EDRF1: variants seen among roughly 807,000 people sequenced by gnomAD.
EDRF1 encodes the protein erythroid differentiation-related factor 1.
EDRF1 carries 69 observed loss-of-function variants against 148.7 expected under a neutral mutation model. That is an observed-to-expected ratio of 0.46 (90% CI 0.38 to 0.57). The LOEUF (loss-of-function observed/expected upper bound fraction) is 0.57, where lower values mean the gene tolerates loss of function less well. EDRF1 is among the 20% of genes least tolerant of loss of function. EDRF1 has a pLI of 0.00. For missense variants in EDRF1, 1,118 were observed against 1,478.7 expected (o/e 0.76, Z 4.00); for synonymous variants, 515 against 532.8 (o/e 0.97, Z 0.46).
At chr10:125,729,921 T>A (rs1278153280) in intron 8 of EDRF1, among the ~76,000 whole-genome samples, 1 of 152,252 alleles carries the variant, frequency 6.6e-6, no homozygotes, top group Non-Finnish European at 1.5e-5. Context: ...ATGCTCCACG[T>A]GTATTTGTTG....
chr10:125,721,201 T>A lies in EDRF1; in HGVS notation c.109-3T>A, dbSNP rs767199702. On this transcript the variant is annotated splice_region_variant and splice_polypyrimidine_tract_variant and intron_variant, in intron 1 of 24. Transcript: ENST00000356792. ...TTAAAGTTTCACCCAATGTGTTAAT[T>A]AGGGATCAGCTTTATTTCTTGGAGG... is the stretch of plus-strand genomic sequence containing the variant. 1.2e-6 allele frequency: 2 copies of A among 1,614,114 alleles called. No homozygotes were observed. The highest frequency in any genetic ancestry group is 8.5e-7 in the Non-Finnish European group (1 of 1,179,960).
At chr10:125,737,878 C>G (rs1848819151) in intron 13 of EDRF1, 40 bp from the exon 14 acceptor site, 1 of 1,574,318 alleles carries the variant, frequency 6.4e-7, no homozygotes, top group South Asian at 1.1e-5. Flanking sequence ...GACCTTAATA[C>G]ATTGGTAGTG....
rs115600771 is a variant in EDRF1 at position 125,748,165 on chromosome 10, G to A, written c.3123+153G>A. The A allele has an allele frequency of 2.5e-3, 2,143 of 862,326 alleles. 26 individuals carry two copies. In the African/African-American group the frequency reaches 0.029, roughly 11 times the overall value. 53.4% of individuals were successfully genotyped at this position (862,326 alleles called of 1,614,324 possible). On this transcript the variant is annotated intron_variant, in intron 21 of 24. Coordinates refer to ENST00000356792, the MANE Select transcript of EDRF1 (RefSeq NM_001202438.2). ...TTCTGCTGCGTCTGTGCCTTTTTTTGTGCTGTGCCACTTAAACAATATGTC... is the reference window on the plus strand; with the variant it reads ...TTCTGCTGCGTCTGTGCCTTTTTTTATGCTGTGCCACTTAAACAATATGTC...
At chr10:125,737,874 A>T in intron 13 of EDRF1, 44 bp from the exon 14 acceptor site, 1 of 1,567,394 alleles carries the variant, frequency 6.4e-7, no homozygotes. Flanking sequence ...TGTTGACCTT[A>T]ATACATTGGT....
At chr10:125,722,924 G>A (rs1848076623) in intron 2 of EDRF1, 144 bp from the exon 3 acceptor site, 5 of 788,322 alleles carry the variant, frequency 6.3e-6, no homozygotes, top group Non-Finnish European at 1.1e-5. Context: ...CAACTGTGAT[G>A]GTGATACACA....
intron 6 of EDRF1, among the ~76,000 whole-genome samples, chr10:125,727,986 C>T (rs1367541744): frequency 6.6e-6 from 1 of 151,750 alleles, no homozygotes; most frequent in African/African-American, 2.4e-5. Flanking sequence ...CACTTGAGGC[C>T]CGGAGTTAGA....
chr10:125,738,293 A>C lies in EDRF1; in HGVS notation c.1831-2A>C. 6.2e-7 allele frequency: 1 copy of C among 1,613,714 alleles called. No homozygotes were observed. The highest frequency in any genetic ancestry group is 8.5e-7 in the Non-Finnish European group (1 of 1,179,866). ...TAGTGAATGCTTTTCCTTTTTTTGC[A>C]GGGTTTAAAATCTGTCGATAGCAGC... On this transcript the variant is annotated splice_acceptor_variant, in intron 14 of 24. Transcript: ENST00000356792. LOFTEE classifies it high-confidence loss of function.
intron 19 of EDRF1, 135 bp downstream of exon 19, chr10:125,746,065 G>A: frequency 2.6e-6 from 2 of 769,902 alleles, no homozygotes; most frequent in Non-Finnish European, 4.4e-6. Context: ...GACAGATCGT[G>A]AAAACACTTG....
At chr10:125,757,272 G>T (rs757164682) in intron 24 of EDRF1, among the ~76,000 whole-genome samples, 4 of 152,088 alleles carry the variant, frequency 2.6e-5, no homozygotes, top group Admixed American at 6.6e-5. Flanking sequence ...TTTGGCAGTT[G>T]ACCTAGGATT....
At chr10:125,742,585 A>G (rs1226993594) in intron 17 of EDRF1, 4 of 985,320 alleles carry the variant, frequency 4.1e-6, no homozygotes, top group South Asian at 9.4e-5. Context: ...TACTACTCCC[A>G]TCATAGCAAT....
chr10:125,727,691 A>G (rs1165819020), intron 6 of EDRF1, among the ~76,000 whole-genome samples: 1 of 152,258 alleles, frequency 6.6e-6, no homozygotes, highest in East Asian at 1.9e-4. Context: ...CTTCCCAAGC[A>G]GGTGCCAAGC....
intron 1 of EDRF1, 21 bp downstream of exon 1, chr10:125,719,936 G>T (rs762992802): frequency 1.9e-6 from 3 of 1,602,434 alleles, no homozygotes; most frequent in African/African-American, 2.7e-5. Flanking sequence ...CGCGGAGGGG[G>T]ACCTGCCAGG....
At chr10:125,745,159 A>T (rs886856932) in intron 18 of EDRF1, 1 of 166,614 alleles carries the variant, frequency 6.0e-6, no homozygotes, top group East Asian at 1.5e-4. Flanking sequence ...GAGAGACTTC[A>T]TCAAGCTATG....
intron 1 of EDRF1, 28 bp downstream of exon 1, chr10:125,719,943 C>T (rs1399522921): frequency 2.5e-6 from 4 of 1,595,772 alleles, no homozygotes; most frequent in African/African-American, 2.7e-5. Context: ...GGGGACCTGC[C>T]AGGGATGTGG....
intron 13 of EDRF1, among the ~76,000 whole-genome samples, chr10:125,737,549 G>T (rs557225587): frequency 6.6e-6 from 1 of 152,312 alleles, no homozygotes; most frequent in East Asian, 1.9e-4. Flanking sequence ...GTTGGAGGTT[G>T]CTAGCTGCTT....
intron 12 of EDRF1, among the ~76,000 whole-genome samples, chr10:125,735,418 G>T: frequency 6.6e-6 from 1 of 152,084 alleles, no homozygotes; most frequent in Admixed American, 6.6e-5. Flanking sequence ...AGGGCTCAGG[G>T]TGGAGTAATT....
intron 18 of EDRF1, 113 bp from the exon 19 acceptor site, chr10:125,745,594 G>T: frequency 1.8e-6 from 2 of 1,091,022 alleles, no homozygotes; most frequent in Non-Finnish European, 2.7e-6. Context: ...CAGGTGACTG[G>T]CTCGCCACCA....
At chr10:125,753,591 T>C in intron 23 of EDRF1, 103 bp from the exon 24 acceptor site, 1 of 1,307,580 alleles carries the variant, frequency 7.6e-7, no homozygotes, top group Non-Finnish European at 1.1e-6. Flanking sequence ...TGTTTAGGGT[T>C]AAAAATGTAT....
In EDRF1 at chr10:125,747,846, C is replaced by A. The variant is rs1447612136; in HGVS notation, c.2974-17C>A. ...ATTAGAAGCTTATTTTTTTCTTCCC[C>A]CTCAAAACAAGAACAGATTGAGAAA... is the stretch of plus-strand genomic sequence containing the variant. On this transcript the variant is annotated splice_polypyrimidine_tract_variant and intron_variant, in intron 20 of 24. Coordinates refer to ENST00000356792, the MANE Select transcript of EDRF1 (RefSeq NM_001202438.2). The A allele has an allele frequency of 1.2e-6, 2 of 1,613,590 alleles. No homozygotes were observed. Among genetic ancestry groups the A allele is most frequent in the Non-Finnish European group, 1.7e-6 (2 of 1,179,866 alleles).
Sources: gnomAD v4.1 joint callset for allele counts (sites outside exome capture counted in the v4.1 genomes callset) on GRCh38, gnomAD v4.1.1 for gene constraint, MANE v1.5 for transcripts, NCBI Gene and HGNC (gene_info 2026-07-23, HGNC 2026-07-21) for gene names.